The following DCHS2 variants were observed in gnomAD, a reference collection of about 807,000 sequenced individuals.
DCHS2 encodes dachsous cadherin-related 2.
In DCHS2, 142 loss-of-function variants were observed where a neutral mutation model predicts 182.4. The observed-to-expected ratio is 0.78, with a 90% CI of 0.68 to 0.89. DCHS2 has a LOEUF of 0.89. Among genes scored for constraint, DCHS2 ranks in the 40% least tolerant of loss-of-function variants. The pLI, the probability that DCHS2 is intolerant of heterozygous loss-of-function variation, is 0.00. For missense variants in DCHS2, 4,319 were observed against 4,198.6 expected, an observed-to-expected ratio of 1.03 and a Z score of -0.79; for synonymous variants, 1,740 against 1,663.3, an observed-to-expected ratio of 1.05 and a Z score of -1.12.
chr4:154,414,976 C>T (rs1297192183), intron 1 of DCHS2, among the ~76,000 whole-genome samples: 1 of 152,174 alleles, frequency 6.6e-6, no homozygotes, highest in Non-Finnish European at 1.5e-5. Context: ...GGTGATGCCG[C>T]GGCTACAGCT....
intron 1 of DCHS2, among the ~76,000 whole-genome samples, chr4:154,385,618 C>A (rs1731377753): frequency 6.6e-6 from 1 of 151,894 alleles, no homozygotes; most frequent in Non-Finnish European, 1.5e-5. Context: ...CTCCCAAGTG[C>A]TGAGACTACA....
chr4:154,254,491 T>C (rs2111152118), intron 16 of DCHS2, among the ~76,000 whole-genome samples: 1 of 152,272 alleles, frequency 6.6e-6, no homozygotes, highest in Non-Finnish European at 1.5e-5. Context: ...TATTCCAGGG[T>C]TTTGCTAATT....
At chr4:154,433,031 G>A (rs1414446099) in intron 1 of DCHS2, among the ~76,000 whole-genome samples, 1 of 152,196 alleles carries the variant, frequency 6.6e-6, no homozygotes, top group Non-Finnish European at 1.5e-5. Context: ...CGGTACCTGT[G>A]AGTGAAACTT....
At chr4:154,439,583 C>T (rs1421598518) in intron 1 of DCHS2, among the ~76,000 whole-genome samples, 1 of 152,204 alleles carries the variant, frequency 6.6e-6, no homozygotes, top group Non-Finnish European at 1.5e-5. Flanking sequence ...TCCCATGAAT[C>T]TGCTCAAGGA....
intron 16 of DCHS2, among the ~76,000 whole-genome samples, chr4:154,245,929 C>A (rs1041995174): frequency 6.6e-6 from 1 of 152,114 alleles, no homozygotes; most frequent in Non-Finnish European, 1.5e-5. Flanking sequence ...GTAGCTTCAT[C>A]AAAATGCACC....
chr4:154,237,903 G>GTGCGTTTAATGTTTTAAACAT (rs1731610817), intron 19 of DCHS2, among the ~76,000 whole-genome samples: 1 of 152,128 alleles, frequency 6.6e-6, no homozygotes, highest in Non-Finnish European at 1.5e-5. Flanking sequence ...CAATAGCTTA[G>GTGCGTTTAATGTTTTAAACAT]TGCGTTTAAT....
chr4:154,289,202 A>C (rs995074007), intron 13 of DCHS2, among the ~76,000 whole-genome samples: 3 of 152,122 alleles, frequency 2.0e-5, no homozygotes, highest in East Asian at 1.9e-4. Context: ...AGCCAGACTC[A>C]GAAGAAAAGG....
At position 154,236,988 on chromosome 4, in the gene DCHS2, T is replaced by A; in HGVS notation, c.7664A>T (p.Asn2555Ile). 1.2e-6 allele frequency: 2 copies of A among 1,614,020 alleles called. No homozygotes were observed. The highest frequency in any genetic ancestry group is 3.3e-5 in the Admixed American group (2 of 60,016). Residue 2555 changes from asparagine (N) to isoleucine (I), a missense_variant, in exon 20 of 20, where the codon AAT becomes ATT. Transcript: ENST00000357232. ...YAPEFTVKSY[N>I]LSLSEDALVG... ...CAGAGCATCCTCACTTAGGCTAAGA[T>A]TATAGGATTTGACTGTGAATTCAGG...
chr4:154,328,829 T>C (rs1289225886), intron 6 of DCHS2, among the ~76,000 whole-genome samples: 1 of 152,224 alleles, frequency 6.6e-6, no homozygotes, highest in East Asian at 1.9e-4. Context: ...AATACTTTTG[T>C]TGAGTTGTTC....
chr4:154,306,366 T>C (rs1046431672), intron 10 of DCHS2, among the ~76,000 whole-genome samples: 4 of 152,110 alleles, frequency 2.6e-5, no homozygotes, highest in Non-Finnish European at 4.4e-5. Flanking sequence ...TTACGTATAT[T>C]ATTAATGATA....
chr4:154,393,128 C>A (rs2110853361), intron 1 of DCHS2, among the ~76,000 whole-genome samples: 1 of 152,216 alleles, frequency 6.6e-6, no homozygotes, highest in South Asian at 2.1e-4. Flanking sequence ...TGGTATCCAA[C>A]AGAAATGGAT....
chr4:154,349,273 A>G (rs957384410), intron 3 of DCHS2, among the ~76,000 whole-genome samples: 13 of 152,240 alleles, frequency 8.5e-5, no homozygotes, highest in Non-Finnish European at 1.6e-4. Flanking sequence ...ATCAGATGGG[A>G]CTTTCTTATC....
intron 16 of DCHS2, among the ~76,000 whole-genome samples, chr4:154,252,283 A>G (rs975154557): frequency 6.6e-6 from 1 of 152,212 alleles, no homozygotes; most frequent in African/African-American, 2.4e-5. Flanking sequence ...TGGAGTATCC[A>G]TCACCTCAAG....
intron 3 of DCHS2, among the ~76,000 whole-genome samples, chr4:154,364,079 C>A (rs1237561826): frequency 6.6e-6 from 1 of 152,200 alleles, no homozygotes; most frequent in Non-Finnish European, 1.5e-5. Context: ...AAACCGCCAA[C>A]AATAAGAACC....
At position 154,235,695 on chromosome 4, in the gene DCHS2, G is replaced by T; in HGVS notation, c.8957C>A (p.Pro2986His). 1 of 1,613,988 alleles carries T rather than the reference G, an allele frequency of 6.2e-7. No individual in the cohort carries two copies. The highest frequency in any genetic ancestry group is 8.5e-7 in the Non-Finnish European group (1 of 1,179,976). The change falls in exon 20 of 20, where the codon CCC becomes CAC. Residue 2986 changes from proline (P) to histidine (H), a missense_variant. Pro to His is a moderately conservative substitution (Grantham distance 77, BLOSUM62 -2). Coordinates refer to ENST00000357232, the MANE Select transcript of DCHS2 (RefSeq NM_001358235.2). Reference protein sequence around the residue: ...VNVSFSSEGTPLAVFASSFSI... With the variant: ...VNVSFSSEGTHLAVFASSFSI... Reference sequence around the variant, plus strand: ...AAAGCTGCTGGCGAACACTGCCAAGGGTGTTCCTTCAGAGGAGAAAGACAC... The same window carrying T: ...AAAGCTGCTGGCGAACACTGCCAAGTGTGTTCCTTCAGAGGAGAAAGACAC...
At chr4:154,336,177 G>T (rs1234985720) in intron 3 of DCHS2, among the ~76,000 whole-genome samples, 1 of 152,190 alleles carries the variant, frequency 6.6e-6, no homozygotes, top group Non-Finnish European at 1.5e-5. Context: ...TAAAGACAAT[G>T]GGGACAAGAG....
chr4:154,388,142 A>G (rs1731498521), intron 1 of DCHS2, among the ~76,000 whole-genome samples: 2 of 152,178 alleles, frequency 1.3e-5, no homozygotes, highest in African/African-American at 2.4e-5. Context: ...ATACATAGAA[A>G]GATATTTGTA....
intron 1 of DCHS2, among the ~76,000 whole-genome samples, chr4:154,466,307 T>C (rs1038366751): frequency 6.6e-6 from 1 of 152,174 alleles, no homozygotes; most frequent in Non-Finnish European, 1.5e-5. Flanking sequence ...GATGAAAGCC[T>C]TCATTACTCA....
At chr4:154,271,784 T>C (rs1733609538) in intron 13 of DCHS2, among the ~76,000 whole-genome samples, 1 of 152,196 alleles carries the variant, frequency 6.6e-6, no homozygotes, top group East Asian at 1.9e-4. Context: ...TTACATACAA[T>C]AATCTGTACA....
Sources: allele counts gnomAD v4.1 joint callset (sites outside exome capture counted in the v4.1 genomes callset), GRCh38; gene constraint gnomAD v4.1.1; transcripts MANE v1.5; gene names NCBI Gene and HGNC (gene_info 2026-07-23, HGNC 2026-07-21).